Variants in ZNF257 observed in about 807,000 individuals in gnomAD.
ZNF257 encodes bone marrow zinc finger 4.
In ZNF257, 12 loss-of-function variants were observed where a neutral mutation model predicts 11.9. The ratio of observed to expected loss-of-function variants is 1.01; its 90% CI spans 0.65 to 1.63. ZNF257 has a LOEUF of 1.63. Ranked by LOEUF, ZNF257 falls within the 40% of genes most tolerant of loss-of-function variation. ZNF257 has a pLI of 0.00. For synonymous variants in ZNF257, 183 were observed against 222.7 expected (o/e 0.82, Z 1.59); for missense variants, 580 against 665.5 (o/e 0.87, Z 1.41).
chr19:22,072,169 G>A (rs2022118843), intron 1 of ZNF257, among the ~76,000 whole-genome samples: 1 of 152,168 alleles, frequency 6.6e-6, no homozygotes, highest in Admixed American at 6.5e-5. Flanking sequence ...CCTAGTGCAA[G>A]TAACATTAAT....
chr19:22,076,815 A>G (rs2145707703), intron 3 of ZNF257, among the ~76,000 whole-genome samples: 1 of 152,116 alleles, frequency 6.6e-6, no homozygotes, highest in East Asian at 1.9e-4. Flanking sequence ...CAGCCTCCCG[A>G]GTAGCTGGGA....
chr19:22,066,635 A>G (rs2021954003), intron 1 of ZNF257, among the ~76,000 whole-genome samples: 1 of 152,206 alleles, frequency 6.6e-6, no homozygotes, highest in Non-Finnish European at 1.5e-5. Flanking sequence ...ATTTTTGTAG[A>G]AGAGTGAGAG....
chr19:22,054,519 G>A (rs1389835504), intron 1 of ZNF257, among the ~76,000 whole-genome samples: 3 of 152,068 alleles, frequency 2.0e-5, no homozygotes, highest in Non-Finnish European at 1.5e-5. Flanking sequence ...CCAAATGCCA[G>A]TTTTCCCTAA....
rs2022606737 is a variant in ZNF257, at chr19:22,090,748, AAAT to A, written c.*1310_*1312del. 6.6e-6 allele frequency: 1 copy of A among 152,186 alleles called. No homozygotes were observed. The highest frequency in any genetic ancestry group is 1.5e-5 in the Non-Finnish European group (1 of 68,026). The allele number at this position is 152,186 out of a possible 1,614,324, so 9.4% of individuals were successfully genotyped here. ...TAAAATTATAAAGCTTTTTAAAAGTAAATAATGATGTAAGTCAACTCTCAAATT... is the reference window on the plus strand; with the variant it reads ...TAAAATTATAAAGCTTTTTAAAAGTAAATGATGTAAGTCAACTCTCAAATT... On this transcript the variant is annotated 3_prime_UTR_variant, in exon 4 of 4. Transcript: ENST00000594947.
intron 3 of ZNF257, among the ~76,000 whole-genome samples, chr19:22,084,618 AAG>A (rs1476092653): frequency 2.6e-5 from 4 of 152,112 alleles, no homozygotes; most frequent in African/African-American, 7.2e-5. Context: ...ACTTTTGAAA[AAG>A]AGCATGCTTG....
rs1488539061 is a variant in ZNF257 at position 22,089,002 on chromosome 19, C to G, written c.1252C>G (p.Leu418Val). 4 of 1,613,348 alleles carry G rather than the reference C, an allele frequency of 2.5e-6. No homozygotes were observed. The highest frequency in any genetic ancestry group is 2.7e-5 in the African/African-American group (2 of 74,760). ...AFNWSSALTT[L>V]TQHKIIHTGE... ...TAACTGGTCCTCAGCTCTTACTACC[C>G]TTACTCAGCATAAGATAATTCATAC... is the stretch of plus-strand genomic sequence containing the variant. The change falls in exon 4 of 4, where the codon CTT (leucine) becomes GTT (valine). Residue 418 changes from leucine (L) to valine (V), a missense_variant. Transcript: ENST00000594947.
intron 1 of ZNF257, among the ~76,000 whole-genome samples, chr19:22,057,175 TAAC>T (rs1293347986): frequency 6.6e-6 from 1 of 152,222 alleles, no homozygotes; most frequent in African/African-American, 2.4e-5. Flanking sequence ...AGGAATACTT[TAAC>T]TTTTCTTATT....
intron 3 of ZNF257, 140 bp downstream of exon 3, chr19:22,073,704 T>G: frequency 1.7e-6 from 2 of 1,182,984 alleles, no homozygotes; most frequent in Non-Finnish European, 2.3e-6. Flanking sequence ...TTTGCATTTT[T>G]TTTTTCTTTG....
At chr19:22,083,606 A>G (rs925448465) in intron 3 of ZNF257, among the ~76,000 whole-genome samples, 1 of 152,204 alleles carries the variant, frequency 6.6e-6, no homozygotes, top group Non-Finnish European at 1.5e-5. Context: ...ATTGTTATGC[A>G]ACATAATTGC....
At chr19:22,062,083 CAG>C (rs2021811199) in intron 1 of ZNF257, among the ~76,000 whole-genome samples, 1 of 135,072 alleles carries the variant, frequency 7.4e-6, no homozygotes, top group South Asian at 2.4e-4. Context: ...TTTTTTGAGA[CAG>C]AGACTTGCTC....
chr19:22,072,796 G>A lies in ZNF257; in HGVS notation c.4-13G>A. 2 of 1,606,770 alleles carry A rather than the reference G, an allele frequency of 1.2e-6. No individual in the cohort carries two copies. Among genetic ancestry groups the A allele is most frequent in the Non-Finnish European group, 1.7e-6 (2 of 1,176,856 alleles). On this transcript the variant is annotated splice_polypyrimidine_tract_variant and intron_variant, in intron 1 of 3. Transcript: ENST00000594947. ...GGTAAATATATGTGTGTCTGTGTTTGTGTGTTTTTCAGGGACCACTGACAA... is the reference window on the plus strand; with the variant it reads ...GGTAAATATATGTGTGTCTGTGTTTATGTGTTTTTCAGGGACCACTGACAA...
At position 22,088,898 on chromosome 19, in the gene ZNF257, G is replaced by C; in HGVS notation, c.1148G>C (p.Arg383Pro). Residue 383 changes from arginine to proline, a missense_variant, in exon 4 of 4, where the codon CGG (arginine) becomes CCG (proline). Coordinates refer to ENST00000594947, the MANE Select transcript of ZNF257 (RefSeq NM_033468.4). ...KCEECGKAFN[R>P]SSHLTKHKRI... ...GAAGAGTGTGGAAAAGCCTTTAACC[G>C]GTCTTCACACCTTACTAAACATAAG... 1 of 1,609,426 alleles carries C rather than the reference G, an allele frequency of 6.2e-7. No homozygotes were observed. The highest frequency in any genetic ancestry group is 8.5e-7 in the Non-Finnish European group (1 of 1,178,348).
At chr19:22,081,717 A>G (rs1377342518) in intron 3 of ZNF257, among the ~76,000 whole-genome samples, 1 of 151,930 alleles carries the variant, frequency 6.6e-6, no homozygotes, top group Non-Finnish European at 1.5e-5. Flanking sequence ...TTTTGTAGAG[A>G]CACAGTTTTG....
chr19:22,070,589 T>A (rs1340488891), intron 1 of ZNF257, among the ~76,000 whole-genome samples: 1 of 152,158 alleles, frequency 6.6e-6, no homozygotes, highest in Non-Finnish European at 1.5e-5. Flanking sequence ...GGCTGTTTTC[T>A]GTTTCCTCTG....
intron 3 of ZNF257, chr19:22,075,247 C>A: frequency 6.0e-6 from 1 of 166,584 alleles, no homozygotes. Context: ...GTAGGGCAGA[C>A]ACTAGGGCAG....
At chr19:22,081,648 C>T (rs1000214389) in intron 3 of ZNF257, among the ~76,000 whole-genome samples, 6 of 151,972 alleles carry the variant, frequency 3.9e-5, no homozygotes, top group African/African-American at 1.2e-4. Flanking sequence ...CTCATTTCAG[C>T]CTCTCAAGCA....
chr19:22,073,068 T>C, intron 2 of ZNF257, 133 bp downstream of exon 2: 1 of 1,097,340 alleles, frequency 9.1e-7, no homozygotes, highest in Non-Finnish European at 1.2e-6. Flanking sequence ...ATGAGTTTCA[T>C]ATCCCTGTTT....
intron 1 of ZNF257, among the ~76,000 whole-genome samples, chr19:22,067,111 G>A (rs2021969583): frequency 6.6e-6 from 1 of 152,106 alleles, no homozygotes; most frequent in Non-Finnish European, 1.5e-5. Flanking sequence ...AGTATGTGCT[G>A]TCTCCTAAAT....
rs1429478312 is a variant in ZNF257, at chr19:22,072,832, G to A, written c.27G>A (p.Val9=). 6.2e-7 allele frequency: 1 copy of A among 1,612,944 alleles called. No homozygotes were observed. Among genetic ancestry groups the A allele is most frequent in the Non-Finnish European group, 8.5e-7 (1 of 1,179,478 alleles). ...AGGGACCACTGACAATTAGGGATGT[G>A]ACTGTAGAATTCTCTCTGGAGGAGT... MGPLTIRD[V]TVEFSLEEWH... The change falls in exon 2 of 4, where the codon GTG becomes GTA. Residue 9 remains valine (V), a synonymous_variant. Transcript: ENST00000594947.
Sources: gnomAD v4.1 joint callset for allele counts (sites outside exome capture counted in the v4.1 genomes callset) on GRCh38, gnomAD v4.1.1 for gene constraint, MANE v1.5 for transcripts, NCBI Gene and HGNC (gene_info 2026-07-23, HGNC 2026-07-21) for gene names.